The following NKAIN3 variants were observed in gnomAD, a reference collection of about 807,000 sequenced individuals.
NKAIN3 encodes the protein sodium/potassium-transporting ATPase subunit beta-1-interacting protein 3.
In NKAIN3, 25 loss-of-function variants were observed where a neutral mutation model predicts 30.2. The observed-to-expected ratio is 0.83, with a 90% CI of 0.60 to 1.16. The LOEUF (loss-of-function observed/expected upper bound fraction) is 1.16, where lower values mean the gene tolerates loss of function less well. Among genes scored for constraint, NKAIN3 ranks in the 50% most tolerant of loss-of-function variants. The probability of loss-of-function intolerance (pLI) is 0.00; values close to 1 mark genes in which losing one functional copy is unlikely to be tolerated. For synonymous variants in NKAIN3, 91 were observed against 89.6 expected (o/e 1.02, Z -0.09); for missense variants, 225 against 254.1 (o/e 0.89, Z 0.78).
At chr8:62,838,129 C>CTG (rs4031520) in intron 4 of NKAIN3, among the ~76,000 whole-genome samples, 14,033 of 147,052 alleles carry the variant, frequency 0.095, 880 homozygotes, top group East Asian at 0.29. Flanking sequence ...CAATACCGCT[C>CTG]TGTGTGTGTG....
In NKAIN3 at chr8:62,274,724, T is replaced by A. The variant is rs1016794549; in HGVS notation, c.54+25597T>A. Among the ~76,000 whole-genome samples, 11 of 152,012 alleles carry A rather than the reference T, an allele frequency of 7.2e-5. 1 individual carries two copies. The highest frequency in any genetic ancestry group is 5.9e-4 in the Admixed American group (9 of 15,244). On this transcript the variant is annotated intron_variant, in intron 1 of 6. Transcript: ENST00000623646. Reference sequence around the variant, plus strand: ...CTCGTCATTTAGCATTAGGTTTATCTCCTAATGCTATCCCTCCCCCGACCC... The same window carrying A: ...CTCGTCATTTAGCATTAGGTTTATCACCTAATGCTATCCCTCCCCCGACCC...
intron 1 of NKAIN3, among the ~76,000 whole-genome samples, chr8:62,489,449 G>A (rs956651445): frequency 7.2e-5 from 11 of 152,144 alleles, no homozygotes; most frequent in African/African-American, 2.7e-4. Context: ...ATCTTATATA[G>A]GAACATGTCT....
intron 4 of NKAIN3, among the ~76,000 whole-genome samples, chr8:62,749,241 A>G (rs929677832): frequency 6.6e-6 from 1 of 152,216 alleles, no homozygotes; most frequent in African/African-American, 2.4e-5. Flanking sequence ...ATTTCCCCAT[A>G]GTAACTCCAA....
At chr8:62,959,253 G>T (rs765351732) in intron 6 of NKAIN3, among the ~76,000 whole-genome samples, 1 of 152,060 alleles carries the variant, frequency 6.6e-6, no homozygotes, top group Non-Finnish European at 1.5e-5. Context: ...CTGACAATCC[G>T]GGTACACAGG....
intron 3 of NKAIN3, among the ~76,000 whole-genome samples, chr8:62,692,489 A>C (rs1469829508): frequency 6.6e-6 from 1 of 152,168 alleles, no homozygotes; most frequent in Non-Finnish European, 1.5e-5. Flanking sequence ...AAAGAGGACT[A>C]GAAATAACAC....
intron 2 of NKAIN3, among the ~76,000 whole-genome samples, chr8:62,581,574 C>G (rs1408944780): frequency 1.3e-5 from 2 of 152,164 alleles, no homozygotes; most frequent in Non-Finnish European, 2.9e-5. Context: ...CTACCTTTCT[C>G]CCTTCCAATT....
chr8:62,399,626 A>G (rs929359080), intron 1 of NKAIN3, among the ~76,000 whole-genome samples: 1 of 152,212 alleles, frequency 6.6e-6, no homozygotes, highest in Non-Finnish European at 1.5e-5. Context: ...TGAAAATATA[A>G]ATGACTATGT....
At chr8:62,747,583 G>A (rs536484465) in intron 4 of NKAIN3, among the ~76,000 whole-genome samples, 7 of 152,144 alleles carry the variant, frequency 4.6e-5, no homozygotes, top group East Asian at 1.9e-4. Context: ...GAGACTCTTC[G>A]CATTTTAGTG....
intron 1 of NKAIN3, among the ~76,000 whole-genome samples, chr8:62,376,280 T>C (rs1817081542): frequency 6.6e-6 from 1 of 152,192 alleles, no homozygotes; most frequent in South Asian, 2.1e-4. Flanking sequence ...ATATGGAATT[T>C]AAAATATAAT....
At chr8:62,685,317 GA>G (rs557408261) in intron 3 of NKAIN3, among the ~76,000 whole-genome samples, 2 of 152,160 alleles carry the variant, frequency 1.3e-5, no homozygotes, top group South Asian at 4.2e-4. Flanking sequence ...ACTTGGTTTA[GA>G]AAAAAATGAT....
At chr8:62,824,663 C>T (rs755547709) in intron 4 of NKAIN3, among the ~76,000 whole-genome samples, 26 of 152,230 alleles carry the variant, frequency 1.7e-4, no homozygotes, top group Non-Finnish European at 2.9e-4. Context: ...ATGTATATTG[C>T]AATTTCCATG....
rs200418889 is a variant in NKAIN3 at position 62,345,432 on chromosome 8, T to C, written c.54+96305T>C. Among the ~76,000 whole-genome samples the C allele has an allele frequency of 2.7e-3, 372 of 136,784 alleles. 41 individuals carry two copies. The highest frequency in any genetic ancestry group is 0.026 in the East Asian group (127 of 4,838). The allele number at this position is 136,784 out of a possible 152,430, so 89.7% of individuals were successfully genotyped here. On this transcript the variant is annotated intron_variant, in intron 1 of 6. Transcript: ENST00000623646. ...ATGTATATATACACATATATACACA[T>C]ATATGTATATATACACACATATGTA...
chr8:62,912,542 TA>T (rs1821951481), intron 4 of NKAIN3, among the ~76,000 whole-genome samples: 2 of 152,332 alleles, frequency 1.3e-5, no homozygotes, highest in Admixed American at 1.3e-4. Context: ...TGTACAAAAA[TA>T]TTTTTTCTTT....
intron 1 of NKAIN3, among the ~76,000 whole-genome samples, chr8:62,333,612 A>G (rs570728738): frequency 6.6e-6 from 1 of 152,234 alleles, no homozygotes; most frequent in Non-Finnish European, 1.5e-5. Flanking sequence ...GGACCTGTGC[A>G]TCATTTTTCT....
At position 62,952,425 on chromosome 8, in the gene NKAIN3, T is replaced by C. The variant is rs1354231841; in HGVS notation, c.533-1477T>C. On this transcript the variant is annotated intron_variant, in intron 5 of 6. Transcript: ENST00000623646. ...TCAAAATCTATATATTTAGAGTAAA[T>C]AAAATAGAATATTTTTGTGATGAGG... Among the ~76,000 whole-genome samples, 6 of 152,210 alleles carry C rather than the reference T, an allele frequency of 3.9e-5. No homozygotes were observed. The East Asian group carries it at 1.2e-3, about 29-fold the overall frequency.
chr8:62,509,382 C>G (rs1807747104), intron 1 of NKAIN3, among the ~76,000 whole-genome samples: 1 of 152,128 alleles, frequency 6.6e-6, no homozygotes, highest in African/African-American at 2.4e-5. Flanking sequence ...GATATGCAGC[C>G]CTAGTTCTTT....
intron 1 of NKAIN3, among the ~76,000 whole-genome samples, chr8:62,401,451 G>A (rs908649749): frequency 6.6e-6 from 1 of 152,000 alleles, no homozygotes; most frequent in Admixed American, 6.6e-5. Flanking sequence ...TAGTTCATTT[G>A]GTGAATGCAT....
At position 62,983,085 on chromosome 8, in the gene NKAIN3, C is replaced by A. The variant is rs1302417528; in HGVS notation, c.*17678C>A. ...CATACCAGCATTTGGTAAACTAGCT[C>A]CCTAGGTGAGACAGCATTAGATGAC... On this transcript the variant is annotated 3_prime_UTR_variant, in exon 7 of 7. Coordinates refer to ENST00000623646, the MANE Select transcript of NKAIN3 (RefSeq NM_001304533.3). 6.6e-6 allele frequency: 1 copy of A among 152,128 alleles called. No individual in the cohort carries two copies. The highest frequency in any genetic ancestry group is 2.4e-5 in the African/African-American group (1 of 41,410). The allele number at this position is 152,128 out of a possible 1,614,324, so 9.4% of individuals were successfully genotyped here. A position where few individuals can be genotyped will look rare whatever the true frequency, so the allele number is the denominator to read the frequency against.
intron 4 of NKAIN3, among the ~76,000 whole-genome samples, chr8:62,816,586 G>A (rs1586230713): frequency 6.6e-6 from 1 of 152,158 alleles, no homozygotes; most frequent in East Asian, 1.9e-4. Flanking sequence ...TTCTGCTCTG[G>A]GGGAAGCCTC....
Sources: allele counts gnomAD v4.1 joint callset (sites outside exome capture counted in the v4.1 genomes callset), GRCh38; gene constraint gnomAD v4.1.1; transcripts MANE v1.5; gene names NCBI Gene and HGNC (gene_info 2026-07-23, HGNC 2026-07-21).